SLC30A3: variants seen among roughly 807,000 people sequenced by gnomAD.
SLC30A3 encodes solute carrier family 30 member 3.
Under a neutral mutation model 35.6 loss-of-function variants are expected in SLC30A3, and 20 were observed. The observed-to-expected ratio is 0.56, with a 90% CI of 0.39 to 0.82. The LOEUF (loss-of-function observed/expected upper bound fraction) is 0.82, where lower values mean the gene tolerates loss of function less well. Among genes scored for constraint, SLC30A3 ranks in the 40% least tolerant of loss-of-function variants. The pLI, the probability that SLC30A3 is intolerant of heterozygous loss-of-function variation, is 0.00. For synonymous variants in SLC30A3, 217 were observed against 224.7 expected, an observed-to-expected ratio of 0.97 and a Z score of 0.31; for missense variants, 401 against 530.6, an observed-to-expected ratio of 0.76 and a Z score of 2.40.
At chr2:27,267,957 C>CA (rs771322474), upstream of SLC30A3, among the ~76,000 whole-genome samples, 15 of 150,890 alleles carry the variant, frequency 9.9e-5, no homozygotes, top group Non-Finnish European at 2.1e-4. Context: ...ACTCAAAAAA[C>CA]AAAAAAACAC....
Position 27,258,210 on chromosome 2 carries a change from G to A in SLC30A3, c.375C>T (p.Leu125=), listed in dbSNP as rs200961987. The change falls in exon 3 of 8, where the codon CTC becomes CTT. Residue 125 remains leucine (L), a synonymous_variant. Coordinates refer to ENST00000233535, the MANE Select transcript of SLC30A3 (RefSeq NM_003459.5). The surrounding 1 kb of genome is among the most constrained non-coding windows in gnomAD (Gnocchi z 4.0). ...TGGTGCGGGTGGCTGGACGGGTGGA[G>A]AGCCAGAGGGAGAAGAGGCTGCCCA... is the stretch of plus-strand genomic sequence containing the variant. The part of the protein sequence containing the change: ...SMMGSLFSLW[L]STRPATRTMT... 2 of 1,597,272 alleles carry A rather than the reference G, an allele frequency of 1.3e-6. No individual in the cohort carries two copies. The highest frequency in any genetic ancestry group is 1.7e-5 in the Admixed American group (1 of 58,628).
upstream of SLC30A3, chr2:27,264,030 C>T: frequency 7.8e-7 from 1 of 1,288,608 alleles, no homozygotes; most frequent in Non-Finnish European, 1.0e-6. The surrounding 1 kb of genome is among the most constrained non-coding windows in gnomAD (Gnocchi z 6.1). Flanking sequence ...GTGGCCGAGC[C>T]TCAAGTCGAA....
Position 27,262,693 on chromosome 2 carries a change from C to T in SLC30A3, c.95+119G>A. ...GGGGATGAAGCGGGGTGCAGCGGAGCGAGGGACCCGCGGTGCGCTGGGGCG... is the reference window on the plus strand; with the variant it reads ...GGGGATGAAGCGGGGTGCAGCGGAGTGAGGGACCCGCGGTGCGCTGGGGCG... On this transcript the variant is annotated intron_variant, in intron 1 of 7. Coordinates refer to ENST00000233535, the MANE Select transcript of SLC30A3 (RefSeq NM_003459.5). This position sits in a 1 kb window ranked among gnomAD's most constrained non-coding sequence, Gnocchi z 7.5. The T allele has an allele frequency of 1.0e-6, 1 of 982,462 alleles. No individual in the cohort carries two copies. The highest frequency in any genetic ancestry group is 1.4e-6 in the Non-Finnish European group (1 of 702,822). 60.9% of individuals were successfully genotyped at this position (982,462 alleles called of 1,614,324 possible). A position where few individuals can be genotyped will look rare whatever the true frequency, so the allele number is the denominator to read the frequency against.
intron 6 of SLC30A3, 124 bp downstream of exon 6, chr2:27,256,664 C>A: frequency 7.6e-7 from 1 of 1,319,084 alleles, no homozygotes; most frequent in Non-Finnish European, 1.1e-6. Flanking sequence ...ATCCTTGTTC[C>A]AGCAGCAGAC....
chr2:27,258,838 G>A lies in SLC30A3; in HGVS notation c.192C>T (p.Gly64=). The A allele has an allele frequency of 6.2e-7, 1 of 1,614,200 alleles. No individual in the cohort carries two copies. Among genetic ancestry groups the A allele is most frequent in the South Asian group, 1.1e-5 (1 of 91,086 alleles). The change falls in exon 2 of 8, where the codon GGC becomes GGT. Residue 64 remains glycine, a synonymous_variant. Transcript: ENST00000233535. The surrounding 1 kb of genome is among the most constrained non-coding windows in gnomAD (Gnocchi z 4.0). ...HCHRDPLPPP[G]LTPERLHARR... is the part of the protein sequence containing the mutation. Reference sequence around the variant, plus strand: ...GTGCATGCAGCCTCTCAGGGGTAAGGCCCGGCGGCGGAAGGGGGTCCCTGT... The same window carrying A: ...GTGCATGCAGCCTCTCAGGGGTAAGACCCGGCGGCGGAAGGGGGTCCCTGT...
At chr2:27,275,215 T>C in exon 1 of SLC30A3, 1 of 1,304,048 alleles carries the variant, frequency 7.7e-7, no homozygotes, top group Non-Finnish European at 1.0e-6. Context: ...TTGTGTTTCC[T>C]GGAGTGAGTT....
In SLC30A3 at chr2:27,255,435, G is replaced by A. The variant is rs776278139; in HGVS notation, c.1044C>T (p.Val348=). 1.3e-5 allele frequency: 21 copies of A among 1,613,778 alleles called. No individual in the cohort carries two copies. Among genetic ancestry groups the A allele is most frequent in the Non-Finnish European group, 1.6e-5 (19 of 1,179,996 alleles). Residue 348 remains valine (V), a synonymous_variant, in exon 8 of 8, where the codon GTC becomes GTT. Transcript: ENST00000233535. This position sits in a 1 kb window ranked among gnomAD's most constrained non-coding sequence, Gnocchi z 5.2. ...AIDSTADPEA[V]LAEASSRLYS... is the part of the protein sequence containing the mutation. ...AGAGCCGGGATGAGGCTTCAGCCAGGACGGCTTCAGGGTCAGCGGTGGAGT... is the reference window on the plus strand; with the variant it reads ...AGAGCCGGGATGAGGCTTCAGCCAGAACGGCTTCAGGGTCAGCGGTGGAGT...
At position 27,262,989 on chromosome 2, in the gene SLC30A3, G is replaced by A. The variant is rs1572482442; in HGVS notation, c.-83C>T. The A allele has an allele frequency of 2.1e-6, 3 of 1,423,488 alleles. No individual in the cohort carries two copies. Among genetic ancestry groups the A allele is most frequent in the African/African-American group, 3.1e-5 (2 of 65,492 alleles). The allele number at this position is 1,423,488 out of a possible 1,614,324, so 88.2% of individuals were successfully genotyped here. On this transcript the variant is annotated 5_prime_UTR_variant, in exon 1 of 8. Transcript: ENST00000233535. The surrounding 1 kb of genome is among the most constrained non-coding windows in gnomAD (Gnocchi z 7.5). The stretch of plus-strand genomic sequence containing the variant: ...CCGCGCCAAGTCCGAGCAGCCCGCC[G>A]ACCCCCGGGATCCCCGCAGGGCGGC...
chr2:27,257,020 C>T lies in SLC30A3; in HGVS notation c.778-127G>A, dbSNP rs527258187. 76 of 1,145,642 alleles carry T rather than the reference C, an allele frequency of 6.6e-5. No individual in the cohort carries two copies. In the African/African-American group the frequency reaches 9.6e-4, roughly 14 times the overall value. The allele number at this position is 1,145,642 out of a possible 1,614,324, so 71.0% of individuals were successfully genotyped here. Reference sequence around the variant, plus strand: ...TGAAGAGGGGACAGGGAACATGACTCATGTCTGGGAGAGTCCTGGGAGGTG... The same window carrying T: ...TGAAGAGGGGACAGGGAACATGACTTATGTCTGGGAGAGTCCTGGGAGGTG... On this transcript the variant is annotated intron_variant, in intron 5 of 7. Coordinates refer to ENST00000233535, the MANE Select transcript of SLC30A3 (RefSeq NM_003459.5). The surrounding 1 kb of genome is among the most constrained non-coding windows in gnomAD (Gnocchi z 4.7).
upstream of SLC30A3, among the ~76,000 whole-genome samples, chr2:27,264,485 G>A (rs1180234536): frequency 6.6e-6 from 1 of 152,220 alleles, no homozygotes; most frequent in Non-Finnish European, 1.5e-5. The surrounding 1 kb of genome is among the most constrained non-coding windows in gnomAD (Gnocchi z 6.1). Flanking sequence ...CTGTTCCGGC[G>A]GGGGAGAGTG....
chr2:27,256,954 G>T, intron 5 of SLC30A3, 61 bp from the exon 6 acceptor site: 3 of 1,303,830 alleles, frequency 2.3e-6, no homozygotes, highest in Non-Finnish European at 3.3e-6. Context: ...AGATCTAGGG[G>T]TATCTTGAAC....
At chr2:27,263,210 G>T, upstream of SLC30A3, 1 of 845,770 alleles carries the variant, frequency 1.2e-6, no homozygotes. Context: ...GCCCGGGAGC[G>T]CCCCGCCACC....
rs557531292 is a variant in SLC30A3 at position 27,261,837 on chromosome 2, C to G, written c.95+975G>C. Among the ~76,000 whole-genome samples, 20 of 152,236 alleles carry G rather than the reference C, an allele frequency of 1.3e-4. No homozygotes were observed. In the East Asian group the frequency reaches 3.9e-3, roughly 29 times the overall value. ...GGCCCCTGCAGGAAGGGGTCCAGCT[C>G]TCTTCTGCTCACCCCCTCCCCCAAC... On this transcript the variant is annotated intron_variant, in intron 1 of 7. Coordinates refer to ENST00000233535, the MANE Select transcript of SLC30A3 (RefSeq NM_003459.5).
chr2:27,270,635 C>T (rs1035298599), intron 1 of SLC30A3, among the ~76,000 whole-genome samples: 9 of 152,022 alleles, frequency 5.9e-5, no homozygotes, highest in African/African-American at 1.7e-4. Context: ...CATAACAACC[C>T]GAAGAGACAG....
intron 1 of SLC30A3, among the ~76,000 whole-genome samples, chr2:27,274,151 G>A (rs922370474): frequency 5.9e-5 from 9 of 152,052 alleles, no homozygotes; most frequent in African/African-American, 2.2e-4. Context: ...GTGAAACCCC[G>A]TCTCTACTAA....
intron 1 of SLC30A3, among the ~76,000 whole-genome samples, chr2:27,260,692 AC>A (rs1677135025): frequency 6.6e-6 from 1 of 152,214 alleles, no homozygotes; most frequent in Non-Finnish European, 1.5e-5. Context: ...CTGGCTAAAG[AC>A]AATTCTGCCA....
rs1676727057 is a variant in SLC30A3, at chr2:27,254,493, G to T, written c.*819C>A. ...GGGAGGTCACTCCAGAGGCTGGGAA[G>T]GGACAGGAGGGATTCTGTTGTTCTC... On this transcript the variant is annotated 3_prime_UTR_variant, in exon 8 of 8. Transcript: ENST00000233535. The T allele has an allele frequency of 6.5e-6, 1 of 152,816 alleles. No homozygotes were observed. The highest frequency in any genetic ancestry group is 2.4e-5 in the African/African-American group (1 of 41,414). 9.5% of individuals were successfully genotyped at this position (152,816 alleles called of 1,614,324 possible).
upstream of SLC30A3, among the ~76,000 whole-genome samples, chr2:27,267,396 G>C (rs2148147455): frequency 6.6e-6 from 1 of 152,208 alleles, no homozygotes; most frequent in African/African-American, 2.4e-5. Context: ...GGCCTGCAAG[G>C]GGTCCTACGG....
intron 1 of SLC30A3, among the ~76,000 whole-genome samples, chr2:27,272,143 T>C (rs927228369): frequency 6.6e-6 from 1 of 152,198 alleles, no homozygotes; most frequent in African/African-American, 2.4e-5. Flanking sequence ...GGAAGTGTGT[T>C]AGGAACTGGA....
Sources: allele counts gnomAD v4.1 joint callset (sites outside exome capture counted in the v4.1 genomes callset), GRCh38; gene constraint gnomAD v4.1.1; non-coding constraint Gnocchi (gnomAD v3.1); transcripts MANE v1.5; gene names NCBI Gene and HGNC (gene_info 2026-07-23, HGNC 2026-07-21).